The following NEBL variants were observed in gnomAD, a reference collection of about 807,000 sequenced individuals.
NEBL encodes the protein LIM and SH3 protein 2.
NEBL carries 122 observed loss-of-function variants against 140.2 expected under a neutral mutation model. The ratio of observed to expected loss-of-function variants is 0.87; its 90% confidence interval spans 0.75 to 1.01. NEBL has a LOEUF of 1.01. Ranked by LOEUF, NEBL falls within the 50% of genes least tolerant of loss-of-function variation. NEBL has a pLI of 0.00. For missense variants in NEBL, 1,365 were observed against 1,231.3 expected (o/e 1.11, Z -1.62); for synonymous variants, 436 against 398.9 (o/e 1.09, Z -1.11).
intron 26 of NEBL, among the ~76,000 whole-genome samples, chr10:20,792,131 AAAAAAAGAAAGAAAG>A (rs1836056648): frequency 6.6e-6 from 1 of 151,824 alleles, no homozygotes; most frequent in African/African-American, 2.4e-5. Flanking sequence ...TAGAAAAAAA[AAAAAAAGAAAGAAAG>A]AAAAAGAAAA....
chr10:21,183,897 G>A (rs1351638645), intron 3 of NEBL, among the ~76,000 whole-genome samples: 1 of 152,116 alleles, frequency 6.6e-6, no homozygotes. Flanking sequence ...TAAGTCTCAC[G>A]AGATCTGATG....
chr10:20,900,891 C>T (rs1202850070), upstream of NEBL, among the ~76,000 whole-genome samples: 2 of 145,642 alleles, frequency 1.4e-5, no homozygotes, highest in South Asian at 2.2e-4. Flanking sequence ...TGGTGGCACA[C>T]ACCTGTAATC....
intron 3 of NEBL, among the ~76,000 whole-genome samples, chr10:21,001,955 A>C (rs1481420155): frequency 1.3e-5 from 2 of 152,204 alleles, no homozygotes; most frequent in East Asian, 3.8e-4. Context: ...CTAAAAACAC[A>C]CACAATTAAA....
At chr10:21,177,818 G>A (rs566050371), upstream of NEBL, among the ~76,000 whole-genome samples, 7 of 152,092 alleles carry the variant, frequency 4.6e-5, no homozygotes, top group African/African-American at 9.7e-5. Flanking sequence ...GTGAGCCACC[G>A]TGCCCAGCCT....
intron 9 of NEBL, 109 bp from the exon 10 acceptor site, chr10:20,852,758 G>A (rs180791531): frequency 9.7e-5 from 96 of 985,276 alleles, no homozygotes; most frequent in Non-Finnish European, 1.4e-4. Context: ...CTGCAAAGCT[G>A]TTGCCAAGTC....
chr10:20,802,249 A>G (rs974452152), intron 26 of NEBL, among the ~76,000 whole-genome samples: 6 of 152,238 alleles, frequency 3.9e-5, no homozygotes, highest in African/African-American at 1.2e-4. Context: ...CTAGAGGCAA[A>G]CACAAAGATC....
At chr10:21,114,025 GT>G (rs1473258276) in intron 2 of NEBL, among the ~76,000 whole-genome samples, 1 of 151,822 alleles carries the variant, frequency 6.6e-6, no homozygotes, top group Non-Finnish European at 1.5e-5. Flanking sequence ...GAACCTTCTA[GT>G]TTTCTAATAT....
intron 3 of NEBL, chr10:21,020,109 G>T: frequency 1.2e-6 from 2 of 1,610,114 alleles, no homozygotes; most frequent in Non-Finnish European, 1.7e-6. Context: ...AAATCTTCTA[G>T]AAGTTACCTG....
intron 4 of NEBL, among the ~76,000 whole-genome samples, chr10:20,922,081 T>C (rs1407236896): frequency 6.6e-6 from 1 of 152,198 alleles, no homozygotes; most frequent in African/African-American, 2.4e-5. Context: ...TCCAAAACAA[T>C]TGTATGGACA....
At chr10:21,091,825 T>C (rs1836926188) in intron 2 of NEBL, among the ~76,000 whole-genome samples, 1 of 152,000 alleles carries the variant, frequency 6.6e-6, no homozygotes, top group Admixed American at 6.6e-5. Context: ...AGAAATGGAG[T>C]CTTGCTATCT....
In NEBL at chr10:20,823,276, G is replaced by T; in HGVS notation, c.1894C>A (p.His632Asn). 1 of 1,608,238 alleles carries T rather than the reference G, an allele frequency of 6.2e-7. No homozygotes were observed. Residue 632 changes from histidine to asparagine, a missense_variant, in exon 19 of 28, where the codon CAT becomes AAT. This residue lies in a region of NEBL where 1,323 missense variants were observed against 1,154.8 expected (regional missense o/e 1.15). Transcript: ENST00000377122. ...SSVKYKEEIK[H>N]ATAISDPPEL... ...GGAGGATCAGAAATGGCTGTTGCAT[G>T]TTTAATCTCTTCTTTGTATTTCACC...
At chr10:21,235,679 T>TG (rs1842339009) in intron 3 of NEBL, among the ~76,000 whole-genome samples, 1 of 152,178 alleles carries the variant, frequency 6.6e-6, no homozygotes, top group Admixed American at 6.5e-5. Context: ...CATAAGTCAT[T>TG]GGGGGCAGCA....
chr10:20,986,490 T>C (rs1392758537), intron 3 of NEBL, among the ~76,000 whole-genome samples: 1 of 152,226 alleles, frequency 6.6e-6, no homozygotes, highest in Non-Finnish European at 1.5e-5. Context: ...AGCTAATTAT[T>C]GCTCAAGGTT....
chr10:21,014,282 C>T (rs368662042), intron 3 of NEBL, among the ~76,000 whole-genome samples: 3 of 152,048 alleles, frequency 2.0e-5, no homozygotes, highest in African/African-American at 7.3e-5. Context: ...AGCCATCAGG[C>T]CTGGCCTATT....
At chr10:21,137,415 C>T (rs1313278640) in intron 2 of NEBL, among the ~76,000 whole-genome samples, 1 of 152,184 alleles carries the variant, frequency 6.6e-6, no homozygotes, top group Non-Finnish European at 1.5e-5. Context: ...TCATTTATAA[C>T]TCTGAAAAAC....
chr10:20,995,456 G>A (rs1162804253), intron 3 of NEBL, among the ~76,000 whole-genome samples: 1 of 152,128 alleles, frequency 6.6e-6, no homozygotes, highest in Non-Finnish European at 1.5e-5. Context: ...GGGTCCCTGA[G>A]CATGAGGAAG....
At chr10:20,864,010 T>G (rs553348182) in intron 7 of NEBL, among the ~76,000 whole-genome samples, 29 of 152,304 alleles carry the variant, frequency 1.9e-4, no homozygotes, top group African/African-American at 7.0e-4. Flanking sequence ...CACTGCTTAC[T>G]ACTAAATTTT....
At chr10:21,270,042 A>G (rs1404759257) in intron 1 of NEBL, among the ~76,000 whole-genome samples, 3 of 152,234 alleles carry the variant, frequency 2.0e-5, no homozygotes, top group Admixed American at 1.3e-4. Flanking sequence ...TTATGTCTGA[A>G]ACAGGTTAAA....
At chr10:21,141,956 C>G (rs1839649563) in intron 2 of NEBL, among the ~76,000 whole-genome samples, 1 of 152,208 alleles carries the variant, frequency 6.6e-6, no homozygotes, top group Admixed American at 6.5e-5. Flanking sequence ...AAATCTTCCT[C>G]TTGACATAAT....
Sources: gnomAD v4.1 joint callset for allele counts (sites outside exome capture counted in the v4.1 genomes callset) on GRCh38, gnomAD v4.1.1 for gene constraint, gnomAD v4.1.1 regional missense constraint, MANE v1.5 for transcripts, NCBI Gene and HGNC (gene_info 2026-07-23, HGNC 2026-07-21) for gene names.